The following ENO1 variants were observed in gnomAD, a reference collection of about 807,000 sequenced individuals.
ENO1 encodes enolase 1, also known as alpha-enolase.
ENO1 carries 33 observed loss-of-function variants against 46.3 expected under a neutral mutation model. The observed-to-expected ratio is 0.71, with a 90% confidence interval of 0.54 to 0.95. The LOEUF is 0.95. Ranked by LOEUF, ENO1 falls within the 40% of genes least tolerant of loss-of-function variation. ENO1 has a pLI of 0.00. For missense variants in ENO1, 488 were observed against 553.3 expected, an observed-to-expected ratio of 0.88 and a Z score of 1.18; for synonymous variants, 220 against 216.0, an observed-to-expected ratio of 1.02 and a Z score of -0.16.
At position 8,867,118 on chromosome 1, in the gene ENO1, G is replaced by A. The variant is rs1001859718; in HGVS notation, c.443C>T (p.Pro148Leu). 19 of 1,612,802 alleles carry A rather than the reference G, an allele frequency of 1.2e-5. No individual in the cohort carries two copies. The highest frequency in any genetic ancestry group is 2.2e-5 in the South Asian group (2 of 91,044). The change falls in exon 6 of 12, where the codon CCG (proline) becomes CTG (leucine). Residue 148 changes from proline (P) to leucine (L), a missense_variant and splice_region_variant. Coordinates refer to ENST00000234590, the MANE Select transcript of ENO1 (RefSeq NM_001428.5). ...AGNSEVILPV[P>L]AFNVINGGSH... The stretch of plus-strand genomic sequence containing the variant: ...GGGAAGTTCCAATAAACCACTCACC[G>A]GGACTGGCAGGATGACTTCAGAGTT...
chr1:8,869,108 A>AGC (rs1209342389), intron 4 of ENO1, among the ~76,000 whole-genome samples: 1 of 152,218 alleles, frequency 6.6e-6, no homozygotes, highest in Non-Finnish European at 1.5e-5. Flanking sequence ...ATGCTGTATG[A>AGC]GCAATTTGGT....
intron 1 of ENO1, among the ~76,000 whole-genome samples, chr1:8,875,480 G>C (rs1435196156): frequency 6.6e-6 from 1 of 152,156 alleles, no homozygotes; most frequent in Non-Finnish European, 1.5e-5. Context: ...AAGGAACCAA[G>C]AACAGACATG....
intron 11 of ENO1, among the ~76,000 whole-genome samples, chr1:8,862,348 G>A (rs902434685): frequency 1.3e-5 from 2 of 152,144 alleles, no homozygotes; most frequent in Admixed American, 1.3e-4. Context: ...CAGTTTGAAT[G>A]AAGGGGTAAT....
At chr1:8,874,731 ATTT>A (rs565264603) in intron 2 of ENO1, 90 bp downstream of exon 2, 67 of 1,066,554 alleles carry the variant, frequency 6.3e-5, no homozygotes, top group Non-Finnish European at 8.5e-5. Flanking sequence ...GCTTTAACAG[ATTT>A]TTTTTTTCCT....
chr1:8,866,619 T>C, intron 6 of ENO1, 118 bp from the exon 7 acceptor site: 3 of 1,096,508 alleles, frequency 2.7e-6, no homozygotes, highest in South Asian at 2.9e-5. Context: ...ACTTGCTTCT[T>C]GAGGAGCACC....
chr1:8,871,841 G>A, intron 3 of ENO1, 50 bp downstream of exon 3: 1 of 1,589,338 alleles, frequency 6.3e-7, no homozygotes, highest in Non-Finnish European at 8.6e-7. Flanking sequence ...GCAAGGCCAG[G>A]AATGGGGCTG....
chr1:8,864,597 T>A (rs1350004063), intron 8 of ENO1, among the ~76,000 whole-genome samples: 1 of 152,180 alleles, frequency 6.6e-6, no homozygotes, highest in Admixed American at 6.5e-5. Flanking sequence ...AGCCACCATA[T>A]GCCCAGCCTC....
Position 8,862,901 on chromosome 1 carries a change from G to A in ENO1, c.1221C>T (p.Tyr407=). The A allele has an allele frequency of 6.2e-7, 1 of 1,614,142 alleles. No homozygotes were observed. Among genetic ancestry groups the A allele is most frequent in the East Asian group, 2.2e-5 (1 of 44,886 alleles). ...APCRSERLAK[Y]NQLLRIEEEL... ...GCCCTCCTTACCTGAGGAGCTGGTTGTACTTGGCCAAGCGCTCAGATCGGC... is the reference window on the plus strand; with the variant it reads ...GCCCTCCTTACCTGAGGAGCTGGTTATACTTGGCCAAGCGCTCAGATCGGC... Residue 407 remains tyrosine (Y), a synonymous_variant, in exon 11 of 12, where the codon TAC becomes TAT. Transcript: ENST00000234590.
chr1:8,861,880 T>TAAAAAA (rs749592337), intron 11 of ENO1, among the ~76,000 whole-genome samples: 1 of 112,586 alleles, frequency 8.9e-6, no homozygotes, highest in African/African-American at 3.5e-5. Flanking sequence ...ATCTTGATGT[T>TAAAAAA]AAAAAAAAAA....
Position 8,861,206 on chromosome 1 carries a change from G to T in ENO1, c.*154C>A. 1 of 703,862 alleles carries T rather than the reference G, an allele frequency of 1.4e-6. No individual in the cohort carries two copies. The highest frequency in any genetic ancestry group is 2.3e-6 in the Non-Finnish European group (1 of 428,148). The allele number at this position is 703,862 out of a possible 1,614,324, so 43.6% of individuals were successfully genotyped here. A position where few individuals can be genotyped will look rare whatever the true frequency, so the allele number is the denominator to read the frequency against. Reference sequence around the variant, plus strand: ...TCCAGGGAGCTTGGCTTCTGTAGAAGTTCTAAGGAAGCGGTACGAACTCCA... The same window carrying T: ...TCCAGGGAGCTTGGCTTCTGTAGAATTTCTAAGGAAGCGGTACGAACTCCA... On this transcript the variant is annotated 3_prime_UTR_variant, in exon 12 of 12. Transcript: ENST00000234590.
chr1:8,873,902 A>G (rs1395794466), intron 2 of ENO1: 2 of 152,232 alleles, frequency 1.3e-5, no homozygotes, highest in Admixed American at 6.5e-5. Flanking sequence ...ACACAGAGCT[A>G]CAAAGGCACT....
In ENO1 at chr1:8,867,227, G is replaced by C; in HGVS notation, c.334C>G (p.Leu112Val). ...NKSKFGANAI[L>V]GVSLAVCKAG... ...TTGCAGACGGCAAGGGACACCCCCA[G>C]AATGGCGTTCGCACCAAACTTAGCT... Residue 112 changes from leucine (L) to valine (V), a missense_variant, in exon 6 of 12, where the codon CTG (leucine) becomes GTG (valine). By Grantham distance (32) the Leu-to-Val change is conservative. Coordinates refer to ENST00000234590, the MANE Select transcript of ENO1 (RefSeq NM_001428.5). 6.2e-7 allele frequency: 1 copy of C among 1,614,194 alleles called. No homozygotes were observed. Among genetic ancestry groups the C allele is most frequent in the East Asian group, 2.2e-5 (1 of 44,880 alleles).
intron 4 of ENO1, among the ~76,000 whole-genome samples, chr1:8,869,568 T>C (rs953249750): frequency 1.3e-5 from 2 of 152,040 alleles, no homozygotes; most frequent in African/African-American, 4.8e-5. Context: ...CTTTGTTATT[T>C]TTATTTTTTG....
chr1:8,866,732 CTTGGG>C lies in ENO1; in HGVS notation c.445-236_445-232del, dbSNP rs1642527156. 3 of 597,916 alleles carry C rather than the reference CTTGGG, an allele frequency of 5.0e-6. No individual in the cohort carries two copies. In the South Asian group the frequency reaches 6.4e-5, roughly 13 times the overall value. 37.0% of individuals were successfully genotyped at this position (597,916 alleles called of 1,614,324 possible). A position where few individuals can be genotyped will look rare whatever the true frequency, so the allele number is the denominator to read the frequency against. On this transcript the variant is annotated intron_variant, in intron 6 of 11. Coordinates refer to ENST00000234590, the MANE Select transcript of ENO1 (RefSeq NM_001428.5). ...CTTGCCTAGAGGCTGGTCTCAAACT[CTTGGG>C]TTTAAGTGATCCTCCTGCCTCAGCC...
intron 10 of ENO1, 32 bp downstream of exon 10, chr1:8,863,203 C>T: frequency 1.2e-6 from 2 of 1,611,024 alleles, no homozygotes; most frequent in Non-Finnish European, 1.7e-6. Flanking sequence ...AAGTTGAGGT[C>T]AGAGAAGAAA....
At chr1:8,874,437 G>A (rs29000600) in intron 2 of ENO1, among the ~76,000 whole-genome samples, 217 of 151,956 alleles carry the variant, frequency 1.4e-3, no homozygotes, top group African/African-American at 5.0e-3. Flanking sequence ...AATTAGCCAG[G>A]TGTGGTGGTG....
At chr1:8,876,796 A>G (rs1642742097) in intron 1 of ENO1, among the ~76,000 whole-genome samples, 1 of 151,372 alleles carries the variant, frequency 6.6e-6, no homozygotes, top group Non-Finnish European at 1.5e-5. Context: ...ACTCCGTCTC[A>G]GAAAAAAAAA....
intron 2 of ENO1, among the ~76,000 whole-genome samples, chr1:8,873,256 A>C (rs1438663240): frequency 6.6e-6 from 1 of 152,180 alleles, no homozygotes; most frequent in African/African-American, 2.4e-5. Flanking sequence ...GTGCAGAGGC[A>C]GTGGGTACTC....
chr1:8,871,678 C>A, intron 3 of ENO1: 1 of 1,360,360 alleles, frequency 7.4e-7, no homozygotes, highest in Non-Finnish European at 9.5e-7. Flanking sequence ...GAACTCTCGA[C>A]CCAGAGCATG....
Sources: allele counts gnomAD v4.1 joint callset (sites outside exome capture counted in the v4.1 genomes callset), GRCh38; gene constraint gnomAD v4.1.1; transcripts MANE v1.5; gene names NCBI Gene and HGNC (gene_info 2026-07-23, HGNC 2026-07-21).